The following PIGO variants were observed in gnomAD, a reference collection of about 807,000 sequenced individuals.
PIGO encodes GPI ethanolamine phosphate transferase 3, catalytic subunit.
A neutral mutation model predicts 86.9 loss-of-function variants in PIGO; 66 were observed. The ratio of observed to expected loss-of-function variants is 0.76; its 90% confidence interval spans 0.62 to 0.93. PIGO has a LOEUF of 0.93. PIGO is among the 40% of genes least tolerant of loss of function. The pLI, the probability that PIGO is intolerant of heterozygous loss-of-function variation, is 0.00. For missense variants in PIGO, 1,202 were observed against 1,359.1 expected, an observed-to-expected ratio of 0.88 and a Z score of 1.82; for synonymous variants, 570 against 556.4, an observed-to-expected ratio of 1.02 and a Z score of -0.34.
rs745999972 is a variant in PIGO, at chr9:35,093,125, C to A, written c.1024G>T (p.Glu342Ter). Residue 342 changes from glutamate (E) to a stop codon, truncating the protein, a stop_gained, in exon 6 of 11, where the codon GAA becomes TAA. Coordinates refer to ENST00000378617, the MANE Select transcript of PIGO (RefSeq NM_032634.4). LOFTEE classifies it high-confidence loss of function. The stretch of plus-strand genomic sequence containing the variant: ...CCTGAGAATAGCTCAGCCATCACTT[C>A]CCCGATATTCCCAAATGGGATGGGC... ...GLPIPFGNIG[E>*]VMAELFSGGE... is the part of the protein sequence containing the mutation. 1 of 1,614,236 alleles carries A rather than the reference C, an allele frequency of 6.2e-7. No individual in the cohort carries two copies. Among genetic ancestry groups the A allele is most frequent in the Admixed American group, 1.7e-5 (1 of 60,028 alleles).
At position 35,089,461 on chromosome 9, in the gene PIGO, A is replaced by C; in HGVS notation, c.3070-11T>G. ...GGCACAGGCCAGAATCTAGAGGAGG[A>C]GAGGAGGGGCCACGTTACTTGTGAA... On this transcript the variant is annotated splice_polypyrimidine_tract_variant and intron_variant, in intron 9 of 10. Transcript: ENST00000378617. The C allele has an allele frequency of 6.2e-7, 1 of 1,614,158 alleles. No individual in the cohort carries two copies. Among genetic ancestry groups the C allele is most frequent in the Non-Finnish European group, 8.5e-7 (1 of 1,180,026 alleles).
chr9:35,090,483 G>C lies in PIGO; in HGVS notation c.2837C>G (p.Ser946Cys). The stretch of plus-strand genomic sequence containing the variant: ...GGGGGTACCTGCAAAGAGGAGGTGG[G>C]AGGCAAAGGTGTTGGCTCCCACTAG... ...ALLVGANTFASHLLFAVGCPL... is the reference protein window; with the variant it reads ...ALLVGANTFACHLLFAVGCPL... Residue 946 changes from serine (S) to cysteine (C), a missense_variant, in exon 8 of 11, where the codon TCC becomes TGC. Ser to Cys is a moderately radical substitution (Grantham distance 112). Transcript: ENST00000378617. The C allele has an allele frequency of 6.2e-7, 1 of 1,611,180 alleles. No individual in the cohort carries two copies. Among genetic ancestry groups the C allele is most frequent in the Middle Eastern group, 1.7e-4 (1 of 5,962 alleles).
At chr9:35,094,582 A>G (rs1215913768) in intron 2 of PIGO, among the ~76,000 whole-genome samples, 1 of 152,066 alleles carries the variant, frequency 6.6e-6, no homozygotes, top group Non-Finnish European at 1.5e-5. Context: ...CCTTCCTACA[A>G]AATGCTCTCC....
Position 35,095,151 on chromosome 9 carries a change from T to G in PIGO, c.415A>C (p.Thr139Pro). The part of the protein sequence containing the change: ...TTTMQRLKAL[T>P]TGSLPTFIDA... ...ATAAAGGTAGGCAGTGAGCCAGTGG[T>G]GAGGGCCTTGAGGCGCTGCATGGTG... Residue 139 changes from threonine to proline, a missense_variant, in exon 2 of 11, where the codon ACC becomes CCC. Transcript: ENST00000378617. 6.2e-7 allele frequency: 1 copy of G among 1,614,082 alleles called. No individual in the cohort carries two copies. The highest frequency in any genetic ancestry group is 2.2e-5 in the East Asian group (1 of 44,884).
intron 7 of PIGO, 81 bp from the exon 8 acceptor site, chr9:35,090,753 A>G (rs924553833): frequency 1.9e-5 from 26 of 1,335,204 alleles, no homozygotes; most frequent in Admixed American, 6.4e-5. Flanking sequence ...ATATACTCCT[A>G]CTACTTCAGT....
chr9:35,095,632 G>A, intron 1 of PIGO, 66 bp from the exon 2 acceptor site: 1 of 1,425,548 alleles, frequency 7.0e-7, no homozygotes, highest in Non-Finnish European at 9.2e-7. Flanking sequence ...TCTGGTCCCT[G>A]AATACAAGCC....
Position 35,089,034 on chromosome 9 carries a change from C to T in PIGO, c.*58G>A. The T allele has an allele frequency of 1.2e-6, 2 of 1,608,512 alleles. No homozygotes were observed. Among genetic ancestry groups the T allele is most frequent in the Non-Finnish European group, 1.7e-6 (2 of 1,177,388 alleles). On this transcript the variant is annotated 3_prime_UTR_variant, in exon 11 of 11. Coordinates refer to ENST00000378617, the MANE Select transcript of PIGO (RefSeq NM_032634.4). ...CAGATCATCCAGTACCTGTACAGGC[C>T]AGGCTACACTGTTCTCAAGCACTCT...
intron 7 of PIGO, 51 bp downstream of exon 7, chr9:35,091,189 C>A (rs764411340): frequency 6.6e-7 from 1 of 1,511,212 alleles, no homozygotes; most frequent in Non-Finnish European, 8.9e-7. Context: ...ACAAGAGGGG[C>A]CGAACTCACA....
rs556623359 is a variant in PIGO at position 35,088,894 on chromosome 9, A to G, written c.*198T>C. 3.0e-4 allele frequency: 219 copies of G among 730,758 alleles called. No homozygotes were observed. The African/African-American group carries it at 3.3e-3, about 11-fold the overall frequency. The allele number at this position is 730,758 out of a possible 1,614,324, so 45.3% of individuals were successfully genotyped here. On this transcript the variant is annotated 3_prime_UTR_variant, in exon 11 of 11. Coordinates refer to ENST00000378617, the MANE Select transcript of PIGO (RefSeq NM_032634.4). ...CCCCCCTTGTCCCTCAGATGCATCC[A>G]AATCAGGAGTTAGGGATCATACTCC...
intron 8 of PIGO, 52 bp from the exon 9 acceptor site, chr9:35,090,332 A>T (rs753103198): frequency 1.3e-6 from 2 of 1,591,722 alleles, no homozygotes; most frequent in Admixed American, 1.7e-5. Flanking sequence ...TGGCTGGCTC[A>T]GGTTCCAATT....
Position 35,095,091 on chromosome 9 carries a change from C to T in PIGO, c.475G>A (p.Val159Met). 1 of 1,612,896 alleles carries T rather than the reference C, an allele frequency of 6.2e-7. No individual in the cohort carries two copies. Among genetic ancestry groups the T allele is most frequent in the Non-Finnish European group, 8.5e-7 (1 of 1,179,288 alleles). Reference protein sequence around the residue: ...AGSNFASHAIVEDNLIKQLTS... With the variant: ...AGSNFASHAIMEDNLIKQLTS... ...AGCTGCTTAATGAGATTGTCTTCCA[C>T]TATGGCGTGGCTGGCGAAGTTACTA... Residue 159 changes from valine (V) to methionine (M), a missense_variant, in exon 2 of 11, where the codon GTG becomes ATG. Transcript: ENST00000378617.
chr9:35,089,202 C>T lies in PIGO; in HGVS notation c.3160G>A (p.Gly1054Ser), dbSNP rs768012022. The stretch of plus-strand genomic sequence containing the variant: ...AGTCCCACGCTGCTCACAATGAAGC[C>T]CACAGCCTCAAATATGAACCTGCAA... ...FAPKFIFEAVGFIVSSVGLLL... is the reference protein window; with the variant it reads ...FAPKFIFEAVSFIVSSVGLLL... The change falls in exon 11 of 11, where the codon GGC becomes AGC. Residue 1054 changes from glycine (G) to serine (S), a missense_variant. Coordinates refer to ENST00000378617, the MANE Select transcript of PIGO (RefSeq NM_032634.4). 2.5e-6 allele frequency: 4 copies of T among 1,614,180 alleles called. No individual in the cohort carries two copies. The highest frequency in any genetic ancestry group is 2.2e-5 in the South Asian group (2 of 91,082).
Position 35,090,356 on chromosome 9 carries a change from G to A in PIGO, c.2855-76C>T, listed in dbSNP as rs1829359709. 3.2e-6 allele frequency: 5 copies of A among 1,564,500 alleles called. No individual in the cohort carries two copies. The Admixed American group carries it at 7.2e-5, about 23-fold the overall frequency. ...CAGGTTCCAATTAGCCTAGGCCAAG[G>A]GGTGCCAAAGATCCAACAAACCCAT... is the stretch of plus-strand genomic sequence containing the variant. On this transcript the variant is annotated intron_variant, in intron 8 of 10. Transcript: ENST00000378617.
In PIGO at chr9:35,089,413, C is replaced by T. The variant is rs764658486; in HGVS notation, c.3107G>A (p.Arg1036Lys). ...AAACACTTTCCAGACCATGAGATGC[C>T]TGCGAAGGATGGAGGCTGCCAAGGC... ...ACALAASILR[R>K]HLMVWKVFAP... Residue 1036 changes from arginine to lysine, a missense_variant, in exon 10 of 11, where the codon AGG becomes AAG. Transcript: ENST00000378617. The T allele has an allele frequency of 5.7e-5, 92 of 1,614,058 alleles. 1 individual carries two copies. In the South Asian group the frequency reaches 9.1e-4, roughly 16 times the overall value.
chr9:35,095,189 T>G lies in PIGO; in HGVS notation c.377A>C (p.Asp126Ala). ...GCGCTGCATGGTGGTGGTAGGAGGG[T>G]CAACCTGAGATCGGTAGAGCCGGGC... ...HHARLYRSQV[D>A]PPTTTMQRLK... Residue 126 changes from aspartate to alanine, a missense_variant, in exon 2 of 11, where the codon GAC (aspartate) becomes GCC (alanine). Transcript: ENST00000378617. The G allele has an allele frequency of 1.2e-6, 2 of 1,613,768 alleles. No homozygotes were observed. Among genetic ancestry groups the G allele is most frequent in the Non-Finnish European group, 1.7e-6 (2 of 1,179,948 alleles).
rs759000048 is a variant in PIGO at position 35,092,175 on chromosome 9, C to T, written c.1712G>A (p.Arg571Lys). The T allele has an allele frequency of 6.2e-7, 1 of 1,614,186 alleles. No homozygotes were observed. Among genetic ancestry groups the T allele is most frequent in the Non-Finnish European group, 8.5e-7 (1 of 1,180,040 alleles). ...FSDSFVVAEARATPFLLGSFI... is the reference protein window; with the variant it reads ...FSDSFVVAEAKATPFLLGSFI... ...TGAGCCCAAAAGGAAGGGGGTGGCCCTGGCCTCAGCTACAACAAAACTATC... is the reference window on the plus strand; with the variant it reads ...TGAGCCCAAAAGGAAGGGGGTGGCCTTGGCCTCAGCTACAACAAAACTATC... The change falls in exon 7 of 11, where the codon AGG becomes AAG. Residue 571 changes from arginine to lysine, a missense_variant. Transcript: ENST00000378617.
chr9:35,095,882 T>A (rs1829649852), intron 1 of PIGO: 1 of 214,466 alleles, frequency 4.7e-6, no homozygotes, highest in South Asian at 7.3e-5. Flanking sequence ...CGGGCACCTG[T>A]AGTCTCAGCT....
intron 4 of PIGO, 64 bp from the exon 5 acceptor site, chr9:35,093,644 A>G (rs1482560904): frequency 6.7e-7 from 1 of 1,501,654 alleles, no homozygotes; most frequent in Non-Finnish European, 8.9e-7. Context: ...AAGAAAAAAG[A>G]TTTTTCTCCA....
chr9:35,091,418 C>A lies in PIGO; in HGVS notation c.2469G>T (p.Val823=). Residue 823 remains valine, a synonymous_variant, in exon 7 of 11, where the codon GTG becomes GTT. Coordinates refer to ENST00000378617, the MANE Select transcript of PIGO (RefSeq NM_032634.4). The stretch of plus-strand genomic sequence containing the variant: ...AGACACTCCCCAACTGATAAGCAGC[C>A]ACAGTCAGGGGACCCTGAGATTTGG... ...ERTKSQGPLT[V]AAYQLGSVYS... 6.2e-7 allele frequency: 1 copy of A among 1,614,208 alleles called. No homozygotes were observed. Among genetic ancestry groups the A allele is most frequent in the Non-Finnish European group, 8.5e-7 (1 of 1,180,036 alleles).
Sources: allele counts gnomAD v4.1 joint callset (sites outside exome capture counted in the v4.1 genomes callset), GRCh38; gene constraint gnomAD v4.1.1; transcripts MANE v1.5; gene names NCBI Gene and HGNC (gene_info 2026-07-23, HGNC 2026-07-21).